The following CCPG1 variants were observed in gnomAD, a reference collection of about 807,000 sequenced individuals.
The protein encoded by CCPG1 is cell cycle progression protein 1.
A neutral mutation model predicts 81.3 loss-of-function variants in CCPG1; 46 were observed. That is an observed-to-expected ratio of 0.57 (90% CI 0.45 to 0.72). The LOEUF (loss-of-function observed/expected upper bound fraction) is 0.72, where lower values mean the gene tolerates loss of function less well. CCPG1 is among the 30% of genes least tolerant of loss of function. The pLI, the probability that CCPG1 is intolerant of heterozygous loss-of-function variation, is 0.00. For missense variants in CCPG1, 902 were observed against 937.6 expected (o/e 0.96, Z 0.50); for synonymous variants, 330 against 305.2 (o/e 1.08, Z -0.85).
intron 7 of CCPG1, among the ~76,000 whole-genome samples, chr15:55,364,821 T>C (rs954211714): frequency 6.6e-6 from 1 of 151,346 alleles, no homozygotes; most frequent in African/African-American, 2.4e-5. Flanking sequence ...TGCAGCAACC[T>C]GAGGTTGCAC....
intron 1 of CCPG1, 165 bp downstream of exon 1, chr15:55,408,056 C>A (rs2057272622): frequency 6.6e-6 from 1 of 152,502 alleles, no homozygotes; most frequent in African/African-American, 2.4e-5. Flanking sequence ...CCGAGGAGGT[C>A]GCCCGTGCGG....
At chr15:55,356,969 C>A (rs943847875) in intron 8 of CCPG1, 2 of 985,696 alleles carry the variant, frequency 2.0e-6, no homozygotes, top group Non-Finnish European at 2.4e-6. Flanking sequence ...AAGCATGACA[C>A]ATTTATTCCT....
intron 5 of CCPG1, chr15:55,372,392 G>A (rs2141270286): frequency 3.8e-6 from 1 of 263,074 alleles, no homozygotes; most frequent in South Asian, 4.2e-5. Context: ...CAGGAGCAGT[G>A]GCTCACGCCT....
At position 55,372,005 on chromosome 15, in the gene CCPG1, T is replaced by G; in HGVS notation, c.494A>C (p.Asp165Ala). 1 of 1,614,034 alleles carries G rather than the reference T, an allele frequency of 6.2e-7. No homozygotes were observed. The highest frequency in any genetic ancestry group is 1.6e-4 in the Middle Eastern group (1 of 6,062). The change falls in exon 6 of 9, where the codon GAT (aspartate) becomes GCT (alanine). Residue 165 changes from aspartate to alanine, a missense_variant. By Grantham distance (126) the Asp-to-Ala change is moderately radical. Around this residue, in one of 3 missense-constraint regions of CCPG1, gnomAD observed 746 missense variants for 728.6 expected, o/e 1.02. Transcript: ENST00000442196. ...AGGACTGGGCTGATTACTGGTTTCA[T>G]CACTACTTGATTCATCGTCACTAGG... ...SQPSDDESSS[D>A]ETSNQPSPAF...
chr15:55,358,696 A>C (rs976941446), intron 8 of CCPG1: 3 of 985,330 alleles, frequency 3.0e-6, no homozygotes, highest in Admixed American at 6.2e-5. Flanking sequence ...ACCATGCCCC[A>C]TACCTTAATT....
At chr15:55,406,845 A>T (rs1378166003) in intron 1 of CCPG1, among the ~76,000 whole-genome samples, 4 of 152,052 alleles carry the variant, frequency 2.6e-5, no homozygotes, top group Non-Finnish European at 5.9e-5. Flanking sequence ...TATTTCCCAC[A>T]CCTTTAAATT....
chr15:55,389,495 T>C, intron 1 of CCPG1, 62 bp from the exon 2 acceptor site: 2 of 1,124,830 alleles, frequency 1.8e-6, no homozygotes, highest in Non-Finnish European at 2.7e-6. Context: ...TAGGAAGCAC[T>C]ATATGTGACA....
chr15:55,359,301 GATAAAAATTAAACC>G, intron 8 of CCPG1: 1 of 1,198,492 alleles, frequency 8.3e-7, no homozygotes, highest in Non-Finnish European at 1.0e-6. Context: ...TGATTTTTAA[GATAAAAATTAAACC>G]ATTTGCTCAA....
chr15:55,387,630 C>T (rs989184013), intron 2 of CCPG1, among the ~76,000 whole-genome samples: 1 of 151,644 alleles, frequency 6.6e-6, no homozygotes, highest in Non-Finnish European at 1.5e-5. Context: ...CCGCAACCTC[C>T]GCCTCCCAGG....
intron 8 of CCPG1, chr15:55,359,103 A>G (rs1303032243): frequency 2.0e-6 from 2 of 983,954 alleles, no homozygotes; most frequent in South Asian, 4.7e-5. Context: ...TAGGTGGGAC[A>G]TTAGAATTAT....
chr15:55,362,760 A>G (rs537976915), intron 7 of CCPG1, among the ~76,000 whole-genome samples: 1 of 152,332 alleles, frequency 6.6e-6, no homozygotes, highest in East Asian at 1.9e-4. Flanking sequence ...CTGACTCTCT[A>G]GCTGGGCACA....
At chr15:55,393,613 A>G (rs2056964185) in intron 1 of CCPG1, among the ~76,000 whole-genome samples, 1 of 152,148 alleles carries the variant, frequency 6.6e-6, no homozygotes, top group African/African-American at 2.4e-5. Flanking sequence ...CTGAGAAGAC[A>G]TGAAAGGTTA....
intron 2 of CCPG1, among the ~76,000 whole-genome samples, chr15:55,386,119 G>C (rs1261493978): frequency 1.3e-5 from 2 of 151,668 alleles, no homozygotes; most frequent in Non-Finnish European, 2.9e-5. Context: ...GCTGGGCACG[G>C]TGGCTCACGC....
intron 7 of CCPG1, among the ~76,000 whole-genome samples, chr15:55,362,822 T>C (rs1271688581): frequency 6.6e-6 from 1 of 152,090 alleles, no homozygotes; most frequent in Non-Finnish European, 1.5e-5. Context: ...GGAGGATCAC[T>C]TGAACCCAGA....
chr15:55,401,638 C>G (rs1040694447), intron 1 of CCPG1, among the ~76,000 whole-genome samples: 12 of 147,394 alleles, frequency 8.1e-5, no homozygotes, highest in African/African-American at 2.8e-4. Context: ...TTCACTCCAG[C>G]CTGGGCGTAA....
intron 6 of CCPG1, among the ~76,000 whole-genome samples, chr15:55,367,262 A>G (rs1295568622): frequency 1.3e-5 from 2 of 152,190 alleles, no homozygotes; most frequent in Non-Finnish European, 2.9e-5. Flanking sequence ...TTCTATTTCA[A>G]ACTGCTGAGA....
At chr15:55,390,730 A>T (rs2056897264) in intron 1 of CCPG1, among the ~76,000 whole-genome samples, 1 of 152,058 alleles carries the variant, frequency 6.6e-6, no homozygotes, top group South Asian at 2.1e-4. Context: ...AATTATTCTG[A>T]AAACTCCTGT....
intron 8 of CCPG1, chr15:55,358,497 T>A: frequency 1.0e-6 from 1 of 985,474 alleles, no homozygotes; most frequent in Non-Finnish European, 1.2e-6. Flanking sequence ...ATCCTCCAGC[T>A]CTACCCTGCT....
At chr15:55,397,814 T>C (rs1263263419) in intron 1 of CCPG1, among the ~76,000 whole-genome samples, 3 of 151,810 alleles carry the variant, frequency 2.0e-5, no homozygotes, top group Non-Finnish European at 4.4e-5. Context: ...CTGTCTCTAT[T>C]AAAAATACAA....
Sources: allele counts gnomAD v4.1 joint callset (sites outside exome capture counted in the v4.1 genomes callset), GRCh38; gene constraint gnomAD v4.1.1; regional missense constraint gnomAD v4.1.1; transcripts MANE v1.5; gene names NCBI Gene and HGNC (gene_info 2026-07-23, HGNC 2026-07-21).